Variants in GALNT10 observed in about 807,000 individuals in gnomAD.
GALNT10 encodes the protein GalNAc transferase 10.
In GALNT10, 41 loss-of-function variants were observed where a neutral mutation model predicts 75.0. The observed-to-expected ratio is 0.55, with a 90% CI of 0.43 to 0.71. The LOEUF (loss-of-function observed/expected upper bound fraction) is 0.71. Ranked by LOEUF, GALNT10 falls within the 30% of genes least tolerant of loss-of-function variation. The probability of loss-of-function intolerance (pLI) is 0.00; values close to 1 mark genes in which losing one functional copy is unlikely to be tolerated. For synonymous variants in GALNT10, 302 were observed against 313.0 expected (o/e 0.96, Z 0.37); for missense variants, 727 against 818.5 (o/e 0.89, Z 1.36).
intron 1 of GALNT10, among the ~76,000 whole-genome samples, chr5:154,268,471 A>C (rs1753811257): frequency 6.6e-6 from 1 of 152,218 alleles, no homozygotes; most frequent in Admixed American, 6.5e-5. Context: ...AGAGTTAAGG[A>C]GCCCCAAATG....
intron 3 of GALNT10, among the ~76,000 whole-genome samples, chr5:154,324,709 G>A (rs1364452196): frequency 6.6e-6 from 1 of 151,868 alleles, no homozygotes; most frequent in African/African-American, 2.4e-5. Context: ...TGAGTCAAGT[G>A]GTCTGGGGTG....
chr5:154,267,891 AAAAAAG>A (rs1392616651), intron 1 of GALNT10, among the ~76,000 whole-genome samples: 1 of 152,160 alleles, frequency 6.6e-6, no homozygotes, highest in Non-Finnish European at 1.5e-5. Context: ...TTTGTCATTA[AAAAAAG>A]AAAAAGTCTC....
chr5:154,395,633 A>C (rs1162192029), intron 7 of GALNT10, among the ~76,000 whole-genome samples: 2 of 152,214 alleles, frequency 1.3e-5, no homozygotes, highest in African/African-American at 4.8e-5. Flanking sequence ...CTGTTCTGGA[A>C]CAAACTCTCT....
At chr5:154,226,314 T>A (rs1753064573) in intron 1 of GALNT10, among the ~76,000 whole-genome samples, 1 of 152,222 alleles carries the variant, frequency 6.6e-6, no homozygotes, top group African/African-American at 2.4e-5. Context: ...ATAGTATTAC[T>A]GTTTTCTACA....
intron 1 of GALNT10, among the ~76,000 whole-genome samples, chr5:154,191,735 G>A (rs1016933122): frequency 6.6e-6 from 1 of 152,220 alleles, no homozygotes; most frequent in African/African-American, 2.4e-5. Context: ...GTGGGGCTCT[G>A]GTGGGGGGAC....
At chr5:154,233,188 G>T (rs1753193169) in intron 1 of GALNT10, among the ~76,000 whole-genome samples, 1 of 152,176 alleles carries the variant, frequency 6.6e-6, no homozygotes. Context: ...GAAAGAGAAT[G>T]TCTTGACTCC....
At chr5:154,250,250 A>C (rs1190881169) in intron 1 of GALNT10, among the ~76,000 whole-genome samples, 3 of 152,120 alleles carry the variant, frequency 2.0e-5, no homozygotes, top group Non-Finnish European at 4.4e-5. Flanking sequence ...CATGGAAACT[A>C]TTTAAAGGCA....
intron 1 of GALNT10, among the ~76,000 whole-genome samples, chr5:154,231,794 A>G (rs777993008): frequency 6.6e-6 from 1 of 152,198 alleles, no homozygotes; most frequent in Non-Finnish European, 1.5e-5. Context: ...CTCTACCTCT[A>G]TGTGCCTTTG....
intron 6 of GALNT10, among the ~76,000 whole-genome samples, chr5:154,384,889 C>G (rs1755787439): frequency 6.6e-6 from 1 of 152,194 alleles, no homozygotes; most frequent in African/African-American, 2.4e-5. Flanking sequence ...ATAATGAGGC[C>G]TGCCACATGA....
At chr5:154,328,686 G>A (rs1317654812) in intron 3 of GALNT10, among the ~76,000 whole-genome samples, 3 of 152,206 alleles carry the variant, frequency 2.0e-5, no homozygotes, top group South Asian at 2.1e-4. Flanking sequence ...ATCTTCAGAT[G>A]CCATTTGCAA....
intron 8 of GALNT10, among the ~76,000 whole-genome samples, chr5:154,405,352 C>T (rs1756255917): frequency 2.0e-5 from 3 of 152,122 alleles, no homozygotes; most frequent in African/African-American, 7.2e-5. Flanking sequence ...TGTCAGGGGC[C>T]GCGTGGAGGG....
intron 1 of GALNT10, among the ~76,000 whole-genome samples, chr5:154,256,022 G>C (rs1302067718): frequency 6.6e-6 from 1 of 152,112 alleles, no homozygotes; most frequent in East Asian, 1.9e-4. Context: ...ACTGCCTCTA[G>C]AGTGGGGAGG....
chr5:154,413,108 A>G (rs2113225422), intron 10 of GALNT10, 103 bp downstream of exon 10: 1 of 726,710 alleles, frequency 1.4e-6, no homozygotes, highest in Non-Finnish European at 2.4e-6. Flanking sequence ...GGTCAGTGAT[A>G]AATGACAAGA....
intron 1 of GALNT10, among the ~76,000 whole-genome samples, chr5:154,193,322 C>T (rs1774889820): frequency 6.6e-6 from 1 of 152,238 alleles, no homozygotes; most frequent in Admixed American, 6.5e-5. Flanking sequence ...AATTTCCACA[C>T]AGCCCCTTTT....
intron 3 of GALNT10, among the ~76,000 whole-genome samples, chr5:154,310,527 G>A (rs1327028488): frequency 2.0e-5 from 3 of 151,870 alleles, no homozygotes; most frequent in Non-Finnish European, 4.4e-5. Flanking sequence ...TGGAGTGCAG[G>A]CGTGATCTCG....
At chr5:154,223,359 T>C (rs1463065570) in intron 1 of GALNT10, among the ~76,000 whole-genome samples, 3 of 152,238 alleles carry the variant, frequency 2.0e-5, no homozygotes, top group Non-Finnish European at 4.4e-5. Context: ...TTCGTACAGC[T>C]AGGACATGGG....
chr5:154,304,122 A>G (rs1581964546), intron 3 of GALNT10, among the ~76,000 whole-genome samples: 1 of 152,344 alleles, frequency 6.6e-6, no homozygotes, highest in Non-Finnish European at 1.5e-5. Context: ...CAAAACACAG[A>G]AAAAGATTTT....
At chr5:154,214,603 A>T (rs1037664809) in intron 1 of GALNT10, among the ~76,000 whole-genome samples, 2 of 152,136 alleles carry the variant, frequency 1.3e-5, no homozygotes, top group African/African-American at 4.8e-5. Context: ...ACCATTTTTT[A>T]AAAAATTATT....
At position 154,262,629 on chromosome 5, in the gene GALNT10, CA is replaced by C. The variant is rs1753715967; in HGVS notation, c.160-32186del. 2.0e-5 allele frequency among the ~76,000 whole-genome samples: 3 copies of C among 152,144 alleles called. No individual in the cohort carries two copies. In the South Asian group the frequency reaches 6.2e-4, roughly 31 times the overall value. On this transcript the variant is annotated intron_variant, in intron 1 of 11. Coordinates refer to ENST00000297107, the MANE Select transcript of GALNT10 (RefSeq NM_198321.4). ...CCTGAGCCTCCCTGTTGATGCTGAA[CA>C]GAAGCTTTAAGAGGTTGAGAAGCAT...
Sources: gnomAD v4.1 joint callset for allele counts (sites outside exome capture counted in the v4.1 genomes callset) on GRCh38, gnomAD v4.1.1 for gene constraint, MANE v1.5 for transcripts, NCBI Gene and HGNC (gene_info 2026-07-23, HGNC 2026-07-21) for gene names.